Variants in JAZF1 observed in about 807,000 individuals in gnomAD.
JAZF1 encodes JAZF zinc finger 1, also known as juxtaposed with another zinc finger protein 1.
In JAZF1, 8 loss-of-function variants were observed where a neutral mutation model predicts 26.4. The observed-to-expected ratio is 0.30, with a 90% CI of 0.18 to 0.55. The LOEUF (loss-of-function observed/expected upper bound fraction) is 0.55, where lower values mean the gene tolerates loss of function less well. Ranked by LOEUF, JAZF1 falls within the 20% of genes least tolerant of loss-of-function variation. The probability of loss-of-function intolerance (pLI) is 0.94; values close to 1 mark genes in which losing one functional copy is unlikely to be tolerated. For synonymous variants in JAZF1, 126 were observed against 122.3 expected, an observed-to-expected ratio of 1.03 and a Z score of -0.20; for missense variants, 199 against 322.0, an observed-to-expected ratio of 0.62 and a Z score of 2.92.
At chr7:28,000,013 G>A (rs887251370) in intron 1 of JAZF1, among the ~76,000 whole-genome samples, 1 of 152,194 alleles carries the variant, frequency 6.6e-6, no homozygotes, top group Non-Finnish European at 1.5e-5. Context: ...TGGGAACTGA[G>A]CCAGGTTTTG....
chr7:27,856,812 G>A (rs1286036303), intron 3 of JAZF1, among the ~76,000 whole-genome samples: 1 of 152,148 alleles, frequency 6.6e-6, no homozygotes, highest in Non-Finnish European at 1.5e-5. Flanking sequence ...GTCCCCACCA[G>A]AGTAACTAGA....
intron 2 of JAZF1, among the ~76,000 whole-genome samples, chr7:27,940,533 T>C (rs1166224608): frequency 2.0e-5 from 3 of 152,186 alleles, no homozygotes; most frequent in Non-Finnish European, 4.4e-5. Flanking sequence ...CAATTAGGCA[T>C]TGAACAAAAG....
chr7:27,906,808 T>A (rs1418693340), intron 2 of JAZF1, among the ~76,000 whole-genome samples: 1 of 152,234 alleles, frequency 6.6e-6, no homozygotes, highest in Non-Finnish European at 1.5e-5. Flanking sequence ...CAAATAACTA[T>A]GGCTATTTCT....
intron 1 of JAZF1, among the ~76,000 whole-genome samples, chr7:28,043,632 C>T (rs1583526933): frequency 6.6e-6 from 1 of 152,224 alleles, no homozygotes; most frequent in Admixed American, 6.5e-5. Flanking sequence ...CAATTCCACT[C>T]TTAGGTAAAT....
chr7:27,898,966 C>T (rs142011209), intron 2 of JAZF1, among the ~76,000 whole-genome samples: 60 of 152,218 alleles, frequency 3.9e-4, no homozygotes, highest in African/African-American at 1.4e-3. Flanking sequence ...CCCACACCAC[C>T]CGCCCCCACA....
intron 1 of JAZF1, among the ~76,000 whole-genome samples, chr7:28,138,122 G>A (rs1466998061): frequency 2.0e-5 from 3 of 152,130 alleles, no homozygotes; most frequent in Non-Finnish European, 4.4e-5. Context: ...CCTACTACCT[G>A]CTATGAAACA....
intron 1 of JAZF1, among the ~76,000 whole-genome samples, chr7:27,999,329 A>G (rs186571212): frequency 1.3e-5 from 2 of 152,344 alleles, no homozygotes; most frequent in Admixed American, 1.3e-4. Flanking sequence ...TCCAAGCAGC[A>G]TGCAACACAA....
chr7:28,059,951 G>T (rs6462063), intron 1 of JAZF1, among the ~76,000 whole-genome samples: 93,736 of 151,924 alleles, frequency 0.62, 30,081 homozygotes, highest in African/African-American at 0.8. Context: ...ACATTTAGTC[G>T]TGTTTAATGT....
At chr7:28,027,585 G>T (rs184509856) in intron 1 of JAZF1, among the ~76,000 whole-genome samples, 2 of 152,132 alleles carry the variant, frequency 1.3e-5, no homozygotes, top group Non-Finnish European at 2.9e-5. Context: ...AAATGGGAAC[G>T]TGGGTTGGGA....
intron 2 of JAZF1, among the ~76,000 whole-genome samples, chr7:27,971,473 G>A (rs1785374760): frequency 6.6e-6 from 1 of 152,178 alleles, no homozygotes; most frequent in African/African-American, 2.4e-5. Flanking sequence ...GCCAGTGAGA[G>A]AGCCTTCAAA....
At chr7:27,988,102 G>A (rs893035613) in intron 2 of JAZF1, among the ~76,000 whole-genome samples, 8 of 151,516 alleles carry the variant, frequency 5.3e-5, no homozygotes, top group Non-Finnish European at 1.2e-4. Context: ...TTGTTCACAT[G>A]TTTATCTGCT....
At chr7:27,856,251 T>C (rs1783248746) in intron 3 of JAZF1, among the ~76,000 whole-genome samples, 1 of 152,170 alleles carries the variant, frequency 6.6e-6, no homozygotes, top group Non-Finnish European at 1.5e-5. Flanking sequence ...GCGGTGAGCG[T>C]TACAGCTCTT....
intron 1 of JAZF1, among the ~76,000 whole-genome samples, chr7:28,094,828 C>T (rs765725919): frequency 3.3e-5 from 5 of 152,136 alleles, no homozygotes; most frequent in Non-Finnish European, 7.3e-5. Flanking sequence ...GGCCGAGCTG[C>T]GCCTGCTCAT....
At chr7:28,167,132 T>C (rs910709755) in intron 1 of JAZF1, among the ~76,000 whole-genome samples, 1 of 152,158 alleles carries the variant, frequency 6.6e-6, no homozygotes, top group Non-Finnish European at 1.5e-5. Flanking sequence ...GGGAGATAAA[T>C]ACTATTCCCA....
At chr7:27,876,934 G>A (rs1017168818) in intron 3 of JAZF1, among the ~76,000 whole-genome samples, 5 of 152,180 alleles carry the variant, frequency 3.3e-5, no homozygotes, top group Non-Finnish European at 7.4e-5. Context: ...TTTGTAGCTT[G>A]GAAATCCCAG....
At chr7:27,968,518 C>T (rs2128359011) in intron 2 of JAZF1, among the ~76,000 whole-genome samples, 1 of 152,250 alleles carries the variant, frequency 6.6e-6, no homozygotes, top group Middle Eastern at 3.4e-3. Flanking sequence ...TTTGACTTTG[C>T]TATTATATAC....
intron 1 of JAZF1, among the ~76,000 whole-genome samples, chr7:27,999,946 A>G (rs1244655662): frequency 1.3e-5 from 2 of 152,200 alleles, no homozygotes; most frequent in Admixed American, 1.3e-4. Flanking sequence ...TGTACAATTC[A>G]CAATAATAAG....
At chr7:28,092,290 CAAA>C (rs749913273) in intron 1 of JAZF1, among the ~76,000 whole-genome samples, 25 of 12,786 alleles carry the variant, frequency 2.0e-3, no homozygotes, top group African/African-American at 5.4e-3. Flanking sequence ...GGACAAAAGG[CAAA>C]AAAAAAAAAA....
chr7:28,119,073 G>T (rs1784796220), intron 1 of JAZF1, among the ~76,000 whole-genome samples: 1 of 152,212 alleles, frequency 6.6e-6, no homozygotes, highest in Non-Finnish European at 1.5e-5. Flanking sequence ...AGTTGAACTG[G>T]AAGCCAACAG....
Sources: gnomAD v4.1 joint callset for allele counts (sites outside exome capture counted in the v4.1 genomes callset) on GRCh38, gnomAD v4.1.1 for gene constraint, MANE v1.5 for transcripts, NCBI Gene and HGNC (gene_info 2026-07-23, HGNC 2026-07-21) for gene names.